Variants in MREG observed in about 807,000 individuals in gnomAD.
MREG encodes melanoregulin.
MREG carries 31 observed loss-of-function variants against 28.5 expected under a neutral mutation model. The observed-to-expected ratio is 1.09, with a 90% CI of 0.82 to 1.47. The LOEUF is 1.47. MREG is among the 40% of genes most tolerant of loss of function. MREG has a pLI of 0.00. For synonymous variants in MREG, 106 were observed against 95.2 expected, an observed-to-expected ratio of 1.11 and a Z score of -0.66; for missense variants, 256 against 257.4, an observed-to-expected ratio of 0.99 and a Z score of 0.04.
downstream of MREG, among the ~76,000 whole-genome samples, chr2:215,940,598 C>A (rs1692186059): frequency 6.6e-6 from 1 of 152,150 alleles, no homozygotes. Context: ...CTTGAAAAAC[C>A]ATCACATTGG....
At chr2:215,950,481 C>T (rs1279250803) in intron 2 of MREG, among the ~76,000 whole-genome samples, 2 of 152,146 alleles carry the variant, frequency 1.3e-5, no homozygotes, top group Non-Finnish European at 2.9e-5. Context: ...AAGGATGGAT[C>T]CATAGTTGAT....
At chr2:215,993,640 T>A (rs1260768704) in intron 2 of MREG, among the ~76,000 whole-genome samples, 2 of 152,128 alleles carry the variant, frequency 1.3e-5, no homozygotes, top group African/African-American at 4.8e-5. Flanking sequence ...ACCTACAGAA[T>A]GAGAGAAAAT....
intron 2 of MREG, among the ~76,000 whole-genome samples, chr2:215,988,061 C>A (rs950228948): frequency 3.3e-5 from 5 of 152,120 alleles, no homozygotes; most frequent in African/African-American, 1.2e-4. Context: ...CCTCTACAGT[C>A]GAGCCTGATT....
chr2:215,974,486 C>A (rs1472929689), intron 2 of MREG, among the ~76,000 whole-genome samples: 1 of 152,088 alleles, frequency 6.6e-6, no homozygotes, highest in Non-Finnish European at 1.5e-5. Context: ...GGTTCCACTG[C>A]GTCTGTATCT....
chr2:216,003,555 C>T (rs1214413791), intron 1 of MREG, among the ~76,000 whole-genome samples: 9 of 152,228 alleles, frequency 5.9e-5, no homozygotes, highest in Middle Eastern at 3.4e-3. Flanking sequence ...GGAAGATTCC[C>T]GAATCGGAAT....
Position 215,944,625 on chromosome 2 carries a change from T to A in MREG, c.*238A>T. On this transcript the variant is annotated 3_prime_UTR_variant, in exon 5 of 5. Transcript: ENST00000263268. ...GGAACCACCCATTATGAACTATCCA[T>A]CTGACCAACTCTTTAACTTTCTTCC... 2 of 350,944 alleles carry A rather than the reference T, an allele frequency of 5.7e-6. No individual in the cohort carries two copies. Among genetic ancestry groups the A allele is most frequent in the Non-Finnish European group, 1.0e-5 (2 of 193,006 alleles). 21.7% of individuals were successfully genotyped at this position (350,944 alleles called of 1,614,324 possible).
intron 2 of MREG, among the ~76,000 whole-genome samples, chr2:215,983,505 T>C (rs2106003229): frequency 6.6e-6 from 1 of 152,384 alleles, no homozygotes; most frequent in East Asian, 1.9e-4. Context: ...TGTTCCTATC[T>C]TAAACATTTT....
At chr2:216,020,954 A>G (rs1694511301) in intron 1 of MREG, among the ~76,000 whole-genome samples, 2 of 152,228 alleles carry the variant, frequency 1.3e-5, no homozygotes, top group Non-Finnish European at 2.9e-5. Context: ...AAATTATTTC[A>G]CTGAATGTAA....
intron 2 of MREG, among the ~76,000 whole-genome samples, chr2:215,949,244 G>A (rs934922990): frequency 6.8e-6 from 1 of 147,994 alleles, no homozygotes; most frequent in Admixed American, 6.8e-5. Context: ...GCCTGGGTGA[G>A]AGTGAGACTT....
At position 215,958,727 on chromosome 2, in the gene MREG, ACTTC is replaced by A. The variant is rs1207325853; in HGVS notation, c.256-11618_256-11615del. Among the ~76,000 whole-genome samples, 3 of 152,084 alleles carry A rather than the reference ACTTC, an allele frequency of 2.0e-5. No homozygotes were observed. In the East Asian group the frequency reaches 5.8e-4, roughly 29 times the overall value. ...CTAGGGAAAGGGCTAAGGTATTAAT[ACTTC>A]CTCCCCATCCCACTAGTGACCTGAT... On this transcript the variant is annotated intron_variant, in intron 2 of 4. Coordinates refer to ENST00000263268, the MANE Select transcript of MREG (RefSeq NM_018000.3).
chr2:216,018,466 C>G (rs1237744450), upstream of MREG, among the ~76,000 whole-genome samples: 2 of 152,280 alleles, frequency 1.3e-5, no homozygotes, highest in East Asian at 3.9e-4. Flanking sequence ...CACAAGAAAA[C>G]AGAAAAAGAG....
chr2:215,958,169 A>G (rs1322189594), intron 2 of MREG, among the ~76,000 whole-genome samples: 2 of 151,884 alleles, frequency 1.3e-5, no homozygotes, highest in African/African-American at 4.8e-5. Flanking sequence ...TGACAAGTTA[A>G]TGGGTGCAGC....
At chr2:215,999,475 G>A (rs1483064045) in intron 1 of MREG, among the ~76,000 whole-genome samples, 2 of 152,164 alleles carry the variant, frequency 1.3e-5, no homozygotes, top group Non-Finnish European at 2.9e-5. Flanking sequence ...GGCTTCTCTG[G>A]AAGAGATAGA....
chr2:216,012,583 T>C (rs1694342166), intron 1 of MREG, among the ~76,000 whole-genome samples: 1 of 152,186 alleles, frequency 6.6e-6, no homozygotes, highest in Non-Finnish European at 1.5e-5. Flanking sequence ...TAGAAAATGA[T>C]TGCTTAAAAT....
At chr2:215,968,295 C>T (rs1221113753) in intron 2 of MREG, among the ~76,000 whole-genome samples, 1 of 152,182 alleles carries the variant, frequency 6.6e-6, no homozygotes, top group Admixed American at 6.5e-5. Flanking sequence ...TACTTTTCAC[C>T]ACTCATTACC....
At chr2:216,033,294 A>G (rs1694738713), upstream of MREG, among the ~76,000 whole-genome samples, 1 of 152,142 alleles carries the variant, frequency 6.6e-6, no homozygotes, top group African/African-American at 2.4e-5. Flanking sequence ...TAAATAAAAA[A>G]TAATAACAAC....
intron 2 of MREG, among the ~76,000 whole-genome samples, chr2:215,995,221 T>C (rs1336687887): frequency 2.6e-5 from 4 of 152,160 alleles, no homozygotes; most frequent in Non-Finnish European, 5.9e-5. Context: ...GCTCGGTCAC[T>C]AGTGGGATGC....
chr2:216,005,444 C>CTTTTTTTTTTTTT (rs58288878), intron 1 of MREG, among the ~76,000 whole-genome samples: 4 of 86,308 alleles, frequency 4.6e-5, no homozygotes, highest in Non-Finnish European at 7.2e-5. Flanking sequence ...TCTAGTTATT[C>CTTTTTTTTTTTTT]TTTTTTTTTT....
At chr2:215,961,160 C>A (rs553231416) in intron 2 of MREG, among the ~76,000 whole-genome samples, 6 of 152,350 alleles carry the variant, frequency 3.9e-5, no homozygotes, top group African/African-American at 1.4e-4. Context: ...CTGTGCCCAG[C>A]GGTCTGGCAC....
Sources: allele counts gnomAD v4.1 joint callset (sites outside exome capture counted in the v4.1 genomes callset), GRCh38; gene constraint gnomAD v4.1.1; transcripts MANE v1.5; gene names NCBI Gene and HGNC (gene_info 2026-07-23, HGNC 2026-07-21).